The following ACP3 variants were observed in gnomAD, a reference collection of about 807,000 sequenced individuals.
The protein encoded by ACP3 is acid phosphatase 3.
Under a neutral mutation model 45.6 loss-of-function variants are expected in ACP3, and 38 were observed. The observed-to-expected ratio is 0.83, with a 90% CI of 0.64 to 1.09. The LOEUF is 1.09. Among genes scored for constraint, ACP3 ranks in the 50% least tolerant of loss-of-function variants. The pLI, the probability that ACP3 is intolerant of heterozygous loss-of-function variation, is 0.00. For synonymous variants in ACP3, 162 were observed against 164.7 expected (o/e 0.98, Z 0.13); for missense variants, 466 against 463.2 (o/e 1.01, Z -0.05).
At chr3:132,345,847 A>ATC (rs1937603310) in intron 7 of ACP3, among the ~76,000 whole-genome samples, 2 of 152,216 alleles carry the variant, frequency 1.3e-5, no homozygotes. Flanking sequence ...GTTGGGGCTT[A>ATC]TGAGAGAAAC....
intron 1 of ACP3, among the ~76,000 whole-genome samples, chr3:132,320,817 G>C (rs1192303210): frequency 1.3e-5 from 2 of 151,704 alleles, no homozygotes; most frequent in Non-Finnish European, 2.9e-5. Context: ...TGCCTGGCTA[G>C]TTTTTGTATT....
intron 8 of ACP3, among the ~76,000 whole-genome samples, chr3:132,350,604 T>C (rs187806707): frequency 6.6e-6 from 1 of 152,342 alleles, no homozygotes; most frequent in African/African-American, 2.4e-5. Flanking sequence ...ATATAGCCAG[T>C]GGCTACTGAA....
chr3:132,324,878 T>C (rs976449222), intron 1 of ACP3, among the ~76,000 whole-genome samples: 2 of 152,150 alleles, frequency 1.3e-5, no homozygotes, highest in Admixed American at 6.5e-5. Context: ...CCTGACCTCA[T>C]GATCCGCCTG....
At chr3:132,341,693 G>A (rs1486881536) in intron 5 of ACP3, among the ~76,000 whole-genome samples, 4 of 152,154 alleles carry the variant, frequency 2.6e-5, no homozygotes, top group Admixed American at 2.0e-4. Flanking sequence ...ATTTACTCTT[G>A]AAAAGCTTGG....
chr3:132,317,485 G>C lies in ACP3; in HGVS notation c.29G>C (p.Arg10Thr). Residue 10 changes from arginine to threonine, a missense_variant, in exon 1 of 10, where the codon AGG (arginine) becomes ACG (threonine). Physicochemically the swap from Arg to Thr is moderately conservative, Grantham distance 71. Coordinates refer to ENST00000336375, the MANE Select transcript of ACP3 (RefSeq NM_001099.5). MRAAPLLLA[R>T]AASLSLGFLF... ...AGAGCTGCACCCCTCCTCCTGGCCA[G>C]GGCAGCAAGCCTTAGCCTTGGCTTC... 1 of 1,613,566 alleles carries C rather than the reference G, an allele frequency of 6.2e-7. No individual in the cohort carries two copies. The highest frequency in any genetic ancestry group is 1.1e-5 in the South Asian group (1 of 90,936).
chr3:132,326,636 A>G (rs1937303440), intron 1 of ACP3, among the ~76,000 whole-genome samples: 1 of 152,206 alleles, frequency 6.6e-6, no homozygotes, highest in African/African-American at 2.4e-5. Context: ...TTTTCTTCAG[A>G]TATTAGAGAC....
In ACP3 at chr3:132,331,707, T is replaced by C; in HGVS notation, c.277T>C (p.Leu93=). ...EYIRKRYRKF[L]NESYKHEQVY... is the part of the protein sequence containing the mutation. Reference sequence around the variant, plus strand: ...TATAAGAAAGAGATATAGAAAATTCTTGAATGAGTCCTATAAACATGAACA... The same window carrying C: ...TATAAGAAAGAGATATAGAAAATTCCTGAATGAGTCCTATAAACATGAACA... Residue 93 remains leucine (L), a synonymous_variant, in exon 3 of 10, where the codon TTG becomes CTG. Transcript: ENST00000336375. 1 of 1,608,882 alleles carries C rather than the reference T, an allele frequency of 6.2e-7. No homozygotes were observed. The highest frequency in any genetic ancestry group is 1.1e-5 in the South Asian group (1 of 88,854).
chr3:132,367,757 G>A, exon 11 of ACP3: 1 of 1,613,770 alleles, frequency 6.2e-7, no homozygotes. Flanking sequence ...TGTCCTAATG[G>A]TACTACTGTT....
At chr3:132,350,657 T>C (rs1356682850) in intron 8 of ACP3, among the ~76,000 whole-genome samples, 2 of 152,026 alleles carry the variant, frequency 1.3e-5, no homozygotes, top group African/African-American at 4.8e-5. Flanking sequence ...TCATGGAAGG[T>C]TTTTTAGATA....
At chr3:132,366,579 C>T (rs1382625266) in intron 10 of ACP3, among the ~76,000 whole-genome samples, 2 of 152,086 alleles carry the variant, frequency 1.3e-5, no homozygotes, top group Non-Finnish European at 2.9e-5. Context: ...AGAGGGAAGG[C>T]TCTGGGAAGA....
At chr3:132,356,550 A>C in intron 9 of ACP3, 136 bp from the exon 10 acceptor site, 20 of 1,523,766 alleles carry the variant, frequency 1.3e-5, no homozygotes, top group Non-Finnish European at 1.7e-5. Flanking sequence ...TTACACACCT[A>C]AATTGGCTAA....
chr3:132,356,501 C>A (rs1937899260), intron 9 of ACP3, among the ~76,000 whole-genome samples, 185 bp from the exon 10 acceptor site: 2 of 152,136 alleles, frequency 1.3e-5, no homozygotes, highest in African/African-American at 2.4e-5. Context: ...CTCCCATTTC[C>A]ACCCTGCAAA....
intron 2 of ACP3, among the ~76,000 whole-genome samples, chr3:132,330,643 A>T (rs1350161071): frequency 6.6e-6 from 1 of 152,070 alleles, no homozygotes; most frequent in Admixed American, 6.5e-5. Context: ...CCTTGTCCCT[A>T]TCGTAGATGG....
At chr3:132,333,702 T>C (rs1469019491) in intron 4 of ACP3, among the ~76,000 whole-genome samples, 1 of 152,188 alleles carries the variant, frequency 6.6e-6, no homozygotes, top group Admixed American at 6.5e-5. Flanking sequence ...AGTATTGTGA[T>C]TACCAGTGTT....
chr3:132,318,299 T>TTTC (rs1295110121), intron 1 of ACP3, among the ~76,000 whole-genome samples: 1 of 152,226 alleles, frequency 6.6e-6, no homozygotes, highest in East Asian at 1.9e-4. Flanking sequence ...TTTCCTTCTG[T>TTTC]TTCACTCTTT....
intron 8 of ACP3, 30 bp from the exon 9 acceptor site, chr3:132,352,690 A>T: frequency 6.7e-7 from 1 of 1,489,354 alleles, no homozygotes; most frequent in South Asian, 1.1e-5. Context: ...GAATCTGAAC[A>T]GGCGATAAAA....
chr3:132,322,675 G>A (rs1937227587), intron 1 of ACP3, among the ~76,000 whole-genome samples: 1 of 152,200 alleles, frequency 6.6e-6, no homozygotes, highest in Non-Finnish European at 1.5e-5. Flanking sequence ...CAGTCTGGAA[G>A]CAGACTCACT....
Position 132,349,987 on chromosome 3 carries a change from C to T in ACP3, c.849C>T (p.Leu283=), listed in dbSNP as rs2228402. Residue 283 remains leucine, a synonymous_variant, in exon 8 of 10, where the codon CTC becomes CTT. Transcript: ENST00000336375. The part of the protein sequence containing the change: ...RATQIPSYKK[L]IMYSAHDTTV... The stretch of plus-strand genomic sequence containing the variant: ...CTCAGATACCAAGCTACAAAAAACT[C>T]ATCATGTATTCTGCGGTAAGTATTT... 856,345 of 1,600,200 alleles carry T rather than the reference C, an allele frequency of 0.54. 237,323 individuals are homozygous for T. The highest frequency in any genetic ancestry group is 0.58 in the Middle Eastern group (3,509 of 6,038).
downstream of ACP3, among the ~76,000 whole-genome samples, chr3:132,363,579 A>G (rs1331875372): frequency 6.6e-6 from 1 of 152,182 alleles, no homozygotes; most frequent in Admixed American, 6.5e-5. Context: ...TATTTTCAAT[A>G]GTTCTCTATC....
Sources: gnomAD v4.1 joint callset for allele counts (sites outside exome capture counted in the v4.1 genomes callset) on GRCh38, gnomAD v4.1.1 for gene constraint, MANE v1.5 for transcripts, NCBI Gene and HGNC (gene_info 2026-07-23, HGNC 2026-07-21) for gene names.